The following EIF4G3 variants were observed in gnomAD, a reference collection of about 807,000 sequenced individuals.
The protein encoded by EIF4G3 is eukaryotic translation initiation factor 4 gamma 3.
Under a neutral mutation model 186.4 loss-of-function variants are expected in EIF4G3, and 34 were observed. That is an observed-to-expected ratio of 0.18 (90% CI 0.14 to 0.24). EIF4G3 has a LOEUF of 0.24. Among genes scored for constraint, EIF4G3 ranks in the 10% least tolerant of loss-of-function variants. EIF4G3 has a pLI of 1.00. For synonymous variants in EIF4G3, 673 were observed against 679.5 expected (o/e 0.99, Z 0.15); for missense variants, 1,536 against 1,948.5 (o/e 0.79, Z 3.99).
At chr1:20,845,710 T>C (rs1395203014) in intron 29 of EIF4G3, among the ~76,000 whole-genome samples, 2 of 151,724 alleles carry the variant, frequency 1.3e-5, no homozygotes, top group Non-Finnish European at 2.9e-5. Context: ...AAAATACATA[T>C]ATATAGTTTG....
At chr1:20,815,690 G>A (rs1380352186) in intron 34 of EIF4G3, among the ~76,000 whole-genome samples, 977 of 143,018 alleles carry the variant, frequency 6.8e-3, no homozygotes, top group East Asian at 0.024. Context: ...CGCCCCGTCC[G>A]GGAGGTGAGG....
intron 4 of EIF4G3, among the ~76,000 whole-genome samples, chr1:21,043,248 C>T (rs554897253): frequency 1.3e-5 from 2 of 152,316 alleles, no homozygotes; most frequent in South Asian, 2.1e-4. Flanking sequence ...CAACAAAAGA[C>T]TGAGCCTACA....
intron 2 of EIF4G3, among the ~76,000 whole-genome samples, chr1:21,166,688 G>A (rs994003814): frequency 6.6e-6 from 1 of 152,080 alleles, no homozygotes; most frequent in African/African-American, 2.4e-5. Context: ...GATGGAGATC[G>A]CACCACTGTA....
intron 29 of EIF4G3, among the ~76,000 whole-genome samples, chr1:20,846,294 G>A (rs2070986471): frequency 1.3e-5 from 2 of 152,138 alleles, no homozygotes; most frequent in African/African-American, 4.8e-5. Flanking sequence ...TCTCTAGCCT[G>A]ATTACCCTGG....
intron 2 of EIF4G3, among the ~76,000 whole-genome samples, chr1:21,112,551 C>T (rs923277498): frequency 6.6e-6 from 1 of 151,894 alleles, no homozygotes; most frequent in Non-Finnish European, 1.5e-5. Flanking sequence ...ACTATCAAAA[C>T]TCTAAACATA....
intron 2 of EIF4G3, among the ~76,000 whole-genome samples, chr1:21,109,474 G>T (rs1223991806): frequency 2.0e-5 from 3 of 152,070 alleles, no homozygotes; most frequent in African/African-American, 7.2e-5. Flanking sequence ...GCAAGACTTT[G>T]TCTCTGTAAA....
At chr1:21,111,329 A>G (rs1379991172) in intron 2 of EIF4G3, 1 of 471,452 alleles carries the variant, frequency 2.1e-6, no homozygotes, top group South Asian at 1.5e-5. Context: ...TTACCTTGGG[A>G]AAATGATGTG....
chr1:20,841,768 G>C (rs1482069812), intron 29 of EIF4G3, among the ~76,000 whole-genome samples: 1 of 152,116 alleles, frequency 6.6e-6, no homozygotes, highest in African/African-American at 2.4e-5. Context: ...ATAAAGCAGT[G>C]TATCTCTCTG....
chr1:20,973,085 G>A lies in EIF4G3; in HGVS notation c.508C>T (p.Pro170Ser). 4 of 1,608,768 alleles carry A rather than the reference G, an allele frequency of 2.5e-6. No individual in the cohort carries two copies. In the South Asian group the frequency reaches 4.5e-5, roughly 18 times the overall value. The change falls in exon 11 of 37, where the codon CCA (proline) becomes TCA (serine). Residue 170 changes from proline to serine, a missense_variant. This residue lies in a region of EIF4G3 where 194 missense variants were observed against 212.8 expected (regional missense o/e 0.91). Transcript: ENST00000602326. ...FPNAYGTPFY[P>S]SQPVYQSAPI... is the part of the protein sequence containing the mutation. Reference sequence around the variant, plus strand: ...GCTGACTGATACACCGGCTGACTTGGGTAAAAAGGCGTTCCTAAAAAGTTG... The same window carrying A: ...GCTGACTGATACACCGGCTGACTTGAGTAAAAAGGCGTTCCTAAAAAGTTG...
intron 19 of EIF4G3, among the ~76,000 whole-genome samples, chr1:20,882,386 A>G (rs1202618623): frequency 6.6e-6 from 1 of 151,874 alleles, no homozygotes. Context: ...TTGGGAGGCC[A>G]AGGAGGGCAG....
chr1:20,984,965 A>G lies in EIF4G3; in HGVS notation c.178-2557T>C, dbSNP rs2079127646. 4.6e-5 allele frequency among the ~76,000 whole-genome samples: 7 copies of G among 152,330 alleles called. No homozygotes were observed. In the South Asian group the frequency reaches 1.4e-3, roughly 32 times the overall value. On this transcript the variant is annotated intron_variant, in intron 7 of 36. Transcript: ENST00000602326. ...TTAACAGGTCATAAGATATATGTAA[A>G]AACTGAGGAACAGGGAGATTAAATA...
At chr1:21,098,491 A>G (rs2096433826) in intron 2 of EIF4G3, among the ~76,000 whole-genome samples, 1 of 147,486 alleles carries the variant, frequency 6.8e-6, no homozygotes, top group African/African-American at 2.5e-5. Flanking sequence ...GTGAGCAGAG[A>G]TCACGCCACA....
At chr1:21,129,959 G>A (rs1383104214) in intron 2 of EIF4G3, among the ~76,000 whole-genome samples, 1 of 152,164 alleles carries the variant, frequency 6.6e-6, no homozygotes, top group Non-Finnish European at 1.5e-5. Flanking sequence ...TGAGATGAGG[G>A]TGGATCAGGA....
At chr1:20,903,888 G>A (rs1423685269) in intron 15 of EIF4G3, among the ~76,000 whole-genome samples, 2 of 152,070 alleles carry the variant, frequency 1.3e-5, no homozygotes, top group African/African-American at 2.4e-5. Flanking sequence ...TAAACCTTGA[G>A]TAAAATTATT....
At chr1:20,926,515 CA>C (rs1363993045) in intron 14 of EIF4G3, among the ~76,000 whole-genome samples, 1 of 151,998 alleles carries the variant, frequency 6.6e-6, no homozygotes, top group Non-Finnish European at 1.5e-5. Flanking sequence ...TCTATCTCTA[CA>C]AAAAGTTAGC....
chr1:21,024,055 C>T (rs1459801601), intron 4 of EIF4G3, among the ~76,000 whole-genome samples: 3 of 150,310 alleles, frequency 2.0e-5, no homozygotes, highest in East Asian at 2.0e-4. Context: ...GGAGACCCTC[C>T]GCCCGGCAGC....
At chr1:21,101,771 T>C (rs771248726) in intron 2 of EIF4G3, among the ~76,000 whole-genome samples, 90 of 152,158 alleles carry the variant, frequency 5.9e-4, no homozygotes, top group Middle Eastern at 3.4e-3. Context: ...ATTTATTACA[T>C]CATTATATTG....
chr1:20,985,451 G>A (rs1374559665), intron 7 of EIF4G3, among the ~76,000 whole-genome samples: 1 of 149,646 alleles, frequency 6.7e-6, no homozygotes, highest in East Asian at 1.9e-4. Context: ...AAAAGTACAG[G>A]ATCACTTACA....
At chr1:20,846,006 A>C (rs562270873) in intron 29 of EIF4G3, among the ~76,000 whole-genome samples, 2 of 152,138 alleles carry the variant, frequency 1.3e-5, no homozygotes, top group Non-Finnish European at 2.9e-5. Context: ...TTCTCCTTGT[A>C]GTGATCCTTC....
Sources: allele counts gnomAD v4.1 joint callset (sites outside exome capture counted in the v4.1 genomes callset), GRCh38; gene constraint gnomAD v4.1.1; regional missense constraint gnomAD v4.1.1; transcripts MANE v1.5; gene names NCBI Gene and HGNC (gene_info 2026-07-23, HGNC 2026-07-21).